ZNRF2: variants seen among roughly 807,000 people sequenced by gnomAD.
ZNRF2 encodes zinc and ring finger 2, also known as E3 ubiquitin-protein ligase ZNRF2.
A neutral mutation model predicts 20.4 loss-of-function variants in ZNRF2; 16 were observed. The observed-to-expected ratio is 0.79, with a 90% CI of 0.53 to 1.19. The LOEUF is 1.19. Ranked by LOEUF, ZNRF2 falls within the 50% of genes most tolerant of loss-of-function variation. ZNRF2 has a pLI of 0.00. For missense variants in ZNRF2, 363 were observed against 332.4 expected, an observed-to-expected ratio of 1.09 and a Z score of -0.72; for synonymous variants, 178 against 144.9, an observed-to-expected ratio of 1.23 and a Z score of -1.64.
intron 2 of ZNRF2, among the ~76,000 whole-genome samples, chr7:30,337,579 C>T (rs555995823): frequency 6.6e-6 from 1 of 152,166 alleles, no homozygotes; most frequent in South Asian, 2.1e-4. Flanking sequence ...CTGTTCTTTT[C>T]TCTGGAGTTG....
At chr7:30,314,740 C>T (rs1799341734) in intron 1 of ZNRF2, among the ~76,000 whole-genome samples, 1 of 151,672 alleles carries the variant, frequency 6.6e-6, no homozygotes, top group African/African-American at 2.4e-5. Context: ...TATTAAATCT[C>T]AAGTACTTTA....
intron 1 of ZNRF2, among the ~76,000 whole-genome samples, chr7:30,300,167 T>TTTTA (rs1799089054): frequency 6.9e-6 from 1 of 145,042 alleles, no homozygotes; most frequent in African/African-American, 2.5e-5. Flanking sequence ...TTTTTTTTTT[T>TTTTA]GAGACGGAGT....
At chr7:30,300,527 T>C (rs537539040) in intron 1 of ZNRF2, among the ~76,000 whole-genome samples, 13 of 152,358 alleles carry the variant, frequency 8.5e-5, no homozygotes, top group Admixed American at 7.8e-4. Context: ...TAGACTTAAT[T>C]AGAATCTAAC....
chr7:30,287,663 A>G (rs934415483), intron 1 of ZNRF2, among the ~76,000 whole-genome samples: 5 of 151,876 alleles, frequency 3.3e-5, no homozygotes, highest in Non-Finnish European at 5.9e-5. Flanking sequence ...TGCACTCATT[A>G]TAGTTCTTTT....
chr7:30,287,283 T>G lies in ZNRF2; in HGVS notation c.469+1457T>G, dbSNP rs568034289. 1.4e-4 allele frequency among the ~76,000 whole-genome samples: 21 copies of G among 152,348 alleles called. 1 individual carries two copies. Among genetic ancestry groups the G allele is most frequent in the East Asian group, 1.3e-3 (7 of 5,194 alleles). On this transcript the variant is annotated intron_variant, in intron 1 of 4. Transcript: ENST00000323037. ...AAGGCAGTTTCTGAGAATTGGTGAT[T>G]AGTGCGAGAATGAAGGGCAAACTGG... is the stretch of plus-strand genomic sequence containing the variant.
At chr7:30,287,941 T>C (rs1395683775) in intron 1 of ZNRF2, among the ~76,000 whole-genome samples, 1 of 152,210 alleles carries the variant, frequency 6.6e-6, no homozygotes, top group African/African-American at 2.4e-5. Context: ...TCAGAGAAAT[T>C]ACCTGTTCTT....
At chr7:30,335,959 G>A (rs1003442498) in intron 2 of ZNRF2, among the ~76,000 whole-genome samples, 2 of 152,112 alleles carry the variant, frequency 1.3e-5, no homozygotes, top group African/African-American at 4.8e-5. Flanking sequence ...TGCTGGAAAC[G>A]ACTTGAAGGT....
At chr7:30,358,782 G>A (rs925829762) in intron 3 of ZNRF2, among the ~76,000 whole-genome samples, 3 of 152,194 alleles carry the variant, frequency 2.0e-5, no homozygotes, top group African/African-American at 7.2e-5. Flanking sequence ...TTAAGAGCAT[G>A]GACTTTGAAG....
intron 3 of ZNRF2, among the ~76,000 whole-genome samples, chr7:30,356,044 T>C (rs893947068): frequency 2.0e-5 from 3 of 152,234 alleles, no homozygotes; most frequent in African/African-American, 7.2e-5. Flanking sequence ...AAGCATTTGC[T>C]ATGACCCAGC....
chr7:30,331,548 G>C (rs1412135954), intron 2 of ZNRF2, among the ~76,000 whole-genome samples: 4 of 152,114 alleles, frequency 2.6e-5, no homozygotes, highest in Non-Finnish European at 5.9e-5. Flanking sequence ...GAAAATATGA[G>C]AGAGTACCTG....
At chr7:30,314,823 ATT>A (rs549873870) in intron 1 of ZNRF2, among the ~76,000 whole-genome samples, 1 of 144,344 alleles carries the variant, frequency 6.9e-6, no homozygotes. Context: ...GTATGTATGT[ATT>A]TTTTTTTTTT....
At chr7:30,334,537 T>C (rs944758573) in intron 2 of ZNRF2, among the ~76,000 whole-genome samples, 1 of 152,212 alleles carries the variant, frequency 6.6e-6, no homozygotes, top group African/African-American at 2.4e-5. Flanking sequence ...GACAGTACTT[T>C]GATAGAATTG....
intron 1 of ZNRF2, chr7:30,289,852 A>G (rs765868784): frequency 3.7e-6 from 2 of 534,324 alleles, no homozygotes; most frequent in Admixed American, 1.9e-5. Flanking sequence ...GTTGTAAGAT[A>G]GTGTCTTACT....
chr7:30,311,976 A>T (rs568860164), intron 1 of ZNRF2, among the ~76,000 whole-genome samples: 1 of 152,268 alleles, frequency 6.6e-6, no homozygotes, highest in South Asian at 2.1e-4. Flanking sequence ...AACAAAAAAT[A>T]CTTTTAGCCA....
chr7:30,339,423 C>T (rs905927735), intron 2 of ZNRF2, among the ~76,000 whole-genome samples: 1 of 152,136 alleles, frequency 6.6e-6, no homozygotes, highest in Non-Finnish European at 1.5e-5. Flanking sequence ...AGTCTTTAAT[C>T]CATCTTGAGT....
intron 1 of ZNRF2, among the ~76,000 whole-genome samples, chr7:30,297,855 CT>C (rs1205854695): frequency 6.7e-6 from 1 of 148,384 alleles, no homozygotes; most frequent in Admixed American, 6.8e-5. Context: ...CTTTTTTTCT[CT>C]TGAGGGATTT....
chr7:30,312,262 C>T (rs1295929253), intron 1 of ZNRF2, among the ~76,000 whole-genome samples: 6 of 152,022 alleles, frequency 3.9e-5, no homozygotes, highest in Non-Finnish European at 8.8e-5. Context: ...ATTACAGACG[C>T]GAGCTACTAT....
intron 2 of ZNRF2, among the ~76,000 whole-genome samples, chr7:30,335,546 T>C (rs79813327): frequency 1.3e-5 from 2 of 152,240 alleles, no homozygotes; most frequent in East Asian, 1.9e-4. Context: ...TTTTACAAAA[T>C]TATTATATAC....
chr7:30,299,400 C>G (rs1583568511), intron 1 of ZNRF2, among the ~76,000 whole-genome samples: 1 of 134,038 alleles, frequency 7.5e-6, no homozygotes, highest in Admixed American at 7.7e-5. Context: ...GCCTGGGCAA[C>G]AAGGGCGAAA....
Sources: gnomAD v4.1 joint callset for allele counts (sites outside exome capture counted in the v4.1 genomes callset) on GRCh38, gnomAD v4.1.1 for gene constraint, MANE v1.5 for transcripts, NCBI Gene and HGNC (gene_info 2026-07-23, HGNC 2026-07-21) for gene names.